Variants in N4BP2L2 observed in about 807,000 individuals in gnomAD.
N4BP2L2 encodes NEDD4-binding protein 2-like 2.
In N4BP2L2, 50 loss-of-function variants were observed where a neutral mutation model predicts 56.2. The observed-to-expected ratio is 0.89, with a 90% CI of 0.71 to 1.13. The LOEUF (loss-of-function observed/expected upper bound fraction) is 1.13. Ranked by LOEUF, N4BP2L2 falls within the 50% of genes most tolerant of loss-of-function variation. The pLI is 0.00. For missense variants in N4BP2L2, 689 were observed against 693.8 expected (o/e 0.99, Z 0.08); for synonymous variants, 203 against 223.6 (o/e 0.91, Z 0.82).
At chr13:32,508,548 G>A (rs2091309377), downstream of N4BP2L2, 1 of 152,166 alleles carries the variant, frequency 6.6e-6, no homozygotes, top group African/African-American at 2.4e-5. Context: ...GTTCTTCCCA[G>A]TAAAATCATG....
chr13:32,454,059 C>T (rs2078551072), intron 6 of N4BP2L2, among the ~76,000 whole-genome samples: 1 of 152,000 alleles, frequency 6.6e-6, no homozygotes, highest in South Asian at 2.1e-4. Context: ...CCCACATATT[C>T]CTGGGAATCT....
At chr13:32,436,393 T>C (rs1170867068) in exon 9 of N4BP2L2, 2 of 1,243,108 alleles carry the variant, frequency 1.6e-6, no homozygotes, top group South Asian at 1.4e-5. Flanking sequence ...CAACCAATCT[T>C]CTTCTGTCTT....
downstream of N4BP2L2, chr13:32,507,230 A>G (rs2091101673): frequency 6.6e-6 from 1 of 152,206 alleles, no homozygotes; most frequent in African/African-American, 2.4e-5. Flanking sequence ...GGAGTCCCAG[A>G]TTTAAAGAGA....
chr13:32,462,141 C>T (rs1460717854), intron 6 of N4BP2L2, among the ~76,000 whole-genome samples: 2 of 152,112 alleles, frequency 1.3e-5, no homozygotes, highest in Non-Finnish European at 2.9e-5. Context: ...TACATGCACC[C>T]CCATGTTTAT....
chr13:32,464,831 A>G (rs1255579515), intron 6 of N4BP2L2, among the ~76,000 whole-genome samples: 1 of 152,248 alleles, frequency 6.6e-6, no homozygotes, highest in Admixed American at 6.5e-5. Flanking sequence ...TCCAAAATAC[A>G]TGAAATAAAA....
At chr13:32,524,125 G>A (rs941976169) in intron 3 of N4BP2L2, 2 of 152,202 alleles carry the variant, frequency 1.3e-5, no homozygotes, top group Non-Finnish European at 2.9e-5. Context: ...ATATTTGGGA[G>A]ATGTCTCTAA....
chr13:32,436,808 A>G (rs543982826), intron 8 of N4BP2L2, among the ~76,000 whole-genome samples: 117 of 121,184 alleles, frequency 9.7e-4, no homozygotes, highest in African/African-American at 4.9e-3. Flanking sequence ...AAAAAAAAAA[A>G]AAGAAAGGAA....
intron 6 of N4BP2L2, among the ~76,000 whole-genome samples, chr13:32,454,650 A>T (rs2078659450): frequency 6.6e-6 from 1 of 152,206 alleles, no homozygotes; most frequent in African/African-American, 2.4e-5. Flanking sequence ...AGAACTAAAA[A>T]CAAATAAGAA....
At chr13:32,442,041 G>A (rs1217691920) in intron 7 of N4BP2L2, among the ~76,000 whole-genome samples, 8 of 152,122 alleles carry the variant, frequency 5.3e-5, no homozygotes, top group African/African-American at 1.2e-4. Flanking sequence ...ACGCCACTGC[G>A]CTACAGCCTG....
chr13:32,535,079 G>A lies in N4BP2L2; in HGVS notation c.1259+690C>T, dbSNP rs191533706. Reference sequence around the variant, plus strand: ...TCTGCCAATCAATGGTATGAACATGGCACAGTGCTCAACACATTCAAAATT... The same window carrying A: ...TCTGCCAATCAATGGTATGAACATGACACAGTGCTCAACACATTCAAAATT... On this transcript the variant is annotated intron_variant, in intron 2 of 5. Transcript: ENST00000267068. 2.6e-5 allele frequency among the ~76,000 whole-genome samples: 4 copies of A among 152,250 alleles called. No homozygotes were observed. The East Asian group carries it at 5.8e-4, about 22-fold the overall frequency.
At chr13:32,496,198 A>G (rs1486340577) in intron 6 of N4BP2L2, among the ~76,000 whole-genome samples, 1 of 136,270 alleles carries the variant, frequency 7.3e-6, no homozygotes, top group Non-Finnish European at 1.7e-5. Flanking sequence ...CAAGCTACCT[A>G]TTTTTTATTT....
intron 7 of N4BP2L2, among the ~76,000 whole-genome samples, chr13:32,440,083 T>C (rs112443154): frequency 0.016 from 2,470 of 151,240 alleles, 70 homozygotes; most frequent in African/African-American, 0.056. Flanking sequence ...CAAGATGTAA[T>C]TATTCACAAA....
At chr13:32,497,173 C>T (rs2088883506) in intron 6 of N4BP2L2, among the ~76,000 whole-genome samples, 1 of 152,170 alleles carries the variant, frequency 6.6e-6, no homozygotes, top group South Asian at 2.1e-4. Context: ...AGATTTTCCA[C>T]AATACAGAGA....
chr13:32,446,306 T>C (rs2077039286), intron 6 of N4BP2L2: 3 of 1,241,022 alleles, frequency 2.4e-6, no homozygotes, highest in Non-Finnish European at 3.3e-6. Flanking sequence ...AAAAAGGATA[T>C]TGAGTAAAGA....
At chr13:32,500,900 C>T (rs1227507834) in intron 6 of N4BP2L2, among the ~76,000 whole-genome samples, 4 of 148,198 alleles carry the variant, frequency 2.7e-5, no homozygotes, top group Admixed American at 6.7e-5. Flanking sequence ...AGTCTCACTC[C>T]CTCTGTTGCC....
In N4BP2L2 at chr13:32,533,367, G is replaced by T. The variant is rs111311245; in HGVS notation, c.1259+2402C>A. Among the ~76,000 whole-genome samples, 819 of 152,024 alleles carry T rather than the reference G, an allele frequency of 5.4e-3. 7 individuals carry two copies. The highest frequency in any genetic ancestry group is 0.018 in the African/African-American group (765 of 41,430). On this transcript the variant is annotated intron_variant, in intron 2 of 5. Coordinates refer to ENST00000267068, the Ensembl canonical transcript of N4BP2L2. ...CTCTCAGAATATCATCCGACATCTTGAATACTTACAATGTTAGAGACATGC... is the reference window on the plus strand; with the variant it reads ...CTCTCAGAATATCATCCGACATCTTTAATACTTACAATGTTAGAGACATGC...
chr13:32,534,241 A>G (rs139151578), intron 2 of N4BP2L2, among the ~76,000 whole-genome samples: 373 of 152,344 alleles, frequency 2.4e-3, no homozygotes, highest in Non-Finnish European at 3.8e-3. Context: ...ATAAATATAC[A>G]TATTATATCT....
intron 2 of N4BP2L2, among the ~76,000 whole-genome samples, chr13:32,527,922 C>T (rs911322540): frequency 6.6e-6 from 1 of 152,068 alleles, no homozygotes; most frequent in Non-Finnish European, 1.5e-5. Flanking sequence ...CAAGCATGTG[C>T]CACCATGCCT....
intron 6 of N4BP2L2, among the ~76,000 whole-genome samples, chr13:32,451,290 T>C (rs889300044): frequency 7.3e-5 from 11 of 151,284 alleles, no homozygotes; most frequent in Non-Finnish European, 1.6e-4. Flanking sequence ...GAAAAAAATA[T>C]ATATACACAC....
Sources: gnomAD v4.1 joint callset for allele counts (sites outside exome capture counted in the v4.1 genomes callset) on GRCh38, gnomAD v4.1.1 for gene constraint, MANE v1.5 for transcripts, NCBI Gene and HGNC (gene_info 2026-07-23, HGNC 2026-07-21) for gene names.